Variants in PKHD1 observed in about 807,000 individuals in gnomAD.
The protein encoded by PKHD1 is fibrocystin.
In PKHD1, 291 loss-of-function variants were observed where a neutral mutation model predicts 412.0. That is an observed-to-expected ratio of 0.71 (90% CI 0.64 to 0.78). The LOEUF is 0.78. Among genes scored for constraint, PKHD1 ranks in the 30% least tolerant of loss-of-function variants. The probability of loss-of-function intolerance (pLI) is 0.00; values close to 1 mark genes in which losing one functional copy is unlikely to be tolerated. For synonymous variants in PKHD1, 1,777 were observed against 1,821.5 expected (o/e 0.98, Z 0.62); for missense variants, 4,825 against 4,950.7 (o/e 0.97, Z 0.76).
At chr6:51,929,056 TG>T (rs979679806) in intron 37 of PKHD1, among the ~76,000 whole-genome samples, 8 of 152,254 alleles carry the variant, frequency 5.3e-5, no homozygotes, top group African/African-American at 1.9e-4. Context: ...GGAGGAGTCT[TG>T]GTCTAGAAGA....
At chr6:51,953,261 C>G (rs2474891) in intron 36 of PKHD1, among the ~76,000 whole-genome samples, 2,405 of 152,124 alleles carry the variant, frequency 0.016, 66 homozygotes, top group African/African-American at 0.054. Context: ...CCACAAAACC[C>G]TCTCCTGTTG....
chr6:51,720,278 T>G (rs540444932), intron 60 of PKHD1, among the ~76,000 whole-genome samples: 2 of 152,254 alleles, frequency 1.3e-5, no homozygotes, highest in Admixed American at 1.3e-4. Flanking sequence ...AAATGAGAAG[T>G]AAGTTATATC....
chr6:51,907,613 C>A (rs957106759), intron 40 of PKHD1, among the ~76,000 whole-genome samples: 1 of 152,124 alleles, frequency 6.6e-6, no homozygotes, highest in Non-Finnish European at 1.5e-5. Flanking sequence ...TGTAACAAAC[C>A]TGCACATCCT....
At chr6:51,626,920 G>A (rs1767308688) in intron 66 of PKHD1, 77 bp downstream of exon 66, 4 of 1,493,538 alleles carry the variant, frequency 2.7e-6, no homozygotes, top group African/African-American at 1.4e-5. Flanking sequence ...TTCAGAGACA[G>A]AGCTGAAGGA....
intron 10 of PKHD1, 100 bp downstream of exon 10, chr6:52,070,306 C>CA: frequency 1.2e-6 from 1 of 828,004 alleles, no homozygotes; most frequent in Non-Finnish European, 2.1e-6. Context: ...ATATGTTTAA[C>CA]ATTTTCCGTC....
rs769989356 is a variant in PKHD1 at position 52,024,990 on chromosome 6, T to C, written c.4820A>G (p.Tyr1607Cys). ...GLRGQNTTSV[Y>C]IDQQTCLTVN... ...CGTCAGGCAGGTCTGCTGGTCAATA[T>C]AGACTGACGTGGTGTTCTGTCCTCT... Residue 1607 changes from tyrosine (Y) to cysteine (C), a missense_variant, in exon 32 of 67, where the codon TAT becomes TGT. By Grantham distance (194) the Tyr-to-Cys change is radical (BLOSUM62 -2). Coordinates refer to ENST00000371117, the MANE Select transcript of PKHD1 (RefSeq NM_138694.4). 5 of 1,614,188 alleles carry C rather than the reference T, an allele frequency of 3.1e-6. No homozygotes were observed. The highest frequency in any genetic ancestry group is 2.2e-5 in the South Asian group (2 of 91,084).
chr6:51,700,823 G>A (rs905274760), intron 60 of PKHD1, among the ~76,000 whole-genome samples: 1 of 152,046 alleles, frequency 6.6e-6, no homozygotes, highest in African/African-American at 2.4e-5. Flanking sequence ...TAAGAGTTAG[G>A]CAAGCAACTC....
intron 61 of PKHD1, among the ~76,000 whole-genome samples, chr6:51,655,100 G>A (rs1328354748): frequency 6.6e-6 from 1 of 152,050 alleles, no homozygotes; most frequent in East Asian, 1.9e-4. Flanking sequence ...GTGAAAAGAA[G>A]AAATGATGTA....
chr6:51,708,985 T>C (rs1225490970), intron 60 of PKHD1, among the ~76,000 whole-genome samples: 1 of 152,160 alleles, frequency 6.6e-6, no homozygotes, highest in Non-Finnish European at 1.5e-5. Context: ...CCCAAAACAG[T>C]TGCCTTTAAA....
In PKHD1 at chr6:51,847,887, G is replaced by A. The variant is rs998889621; in HGVS notation, c.7995C>T (p.Leu2665=). 1 of 1,613,228 alleles carries A rather than the reference G, an allele frequency of 6.2e-7. No individual in the cohort carries two copies. Among genetic ancestry groups the A allele is most frequent in the Non-Finnish European group, 8.5e-7 (1 of 1,179,264 alleles). The change falls in exon 50 of 67, where the codon CTC becomes CTT. Residue 2665 remains leucine, a synonymous_variant. Coordinates refer to ENST00000371117, the MANE Select transcript of PKHD1 (RefSeq NM_138694.4). ...HTDLPPYPDI[L]LRCGSRVGLS... ...GACCCACTCGACTCCCACATCTTAGGAGGATGTCAGGGTAAGGCGGCAAAT... is the reference window on the plus strand; with the variant it reads ...GACCCACTCGACTCCCACATCTTAGAAGGATGTCAGGGTAAGGCGGCAAAT...
Position 51,756,587 on chromosome 6 carries a change from T to C in PKHD1, c.8643-1649A>G, listed in dbSNP as rs527888486. Among the ~76,000 whole-genome samples, 13 of 152,296 alleles carry C rather than the reference T, an allele frequency of 8.5e-5. No individual in the cohort carries two copies. In the East Asian group the frequency reaches 2.1e-3, roughly 25 times the overall value. On this transcript the variant is annotated intron_variant, in intron 55 of 66. Coordinates refer to ENST00000371117, the MANE Select transcript of PKHD1 (RefSeq NM_138694.4). ...GAGCACTGAATTACAAGAAATTTTGTTCATGATGTATTGATTTCAAAAAGC... is the reference window on the plus strand; with the variant it reads ...GAGCACTGAATTACAAGAAATTTTGCTCATGATGTATTGATTTCAAAAAGC...
At position 52,056,730 on chromosome 6, in the gene PKHD1, G is replaced by A. The variant is rs781458107; in HGVS notation, c.1661C>T (p.Ser554Phe). The A allele has an allele frequency of 9.3e-6, 15 of 1,613,670 alleles. No individual in the cohort carries two copies. Among genetic ancestry groups the A allele is most frequent in the African/African-American group, 2.7e-5 (2 of 74,920 alleles). Residue 554 changes from serine (S) to phenylalanine (F), a missense_variant, in exon 18 of 67, where the codon TCT becomes TTT. Coordinates refer to ENST00000371117, the MANE Select transcript of PKHD1 (RefSeq NM_138694.4). ...AVKCKLEPLW[S>F]NILLRLGFER... is the part of the protein sequence containing the mutation. Reference sequence around the variant, plus strand: ...AAATCCAAGCCGGAGAAGGATGTTAGACCAAAGGGGTTCCAGTTTGCATTT... The same window carrying A: ...AAATCCAAGCCGGAGAAGGATGTTAAACCAAAGGGGTTCCAGTTTGCATTT...
At position 52,082,095 on chromosome 6, in the gene PKHD1, T is replaced by C. The variant is rs6458806; in HGVS notation, c.281+297A>G. ...ATGAGTATTTGCAATGGCAAAATGG[T>C]ACCATTTATTAAAATCTTAATAGCC... On this transcript the variant is annotated intron_variant, in intron 4 of 66. Coordinates refer to ENST00000371117, the MANE Select transcript of PKHD1 (RefSeq NM_138694.4). 1 allele frequency among the ~76,000 whole-genome samples: 152,051 copies of C among 152,270 alleles called. 75,916 individuals are homozygous for C. Among genetic ancestry groups the C allele is most frequent in the Middle Eastern group, 1 (294 of 294 alleles).
At chr6:51,937,672 A>G (rs776318634) in intron 36 of PKHD1, among the ~76,000 whole-genome samples, 1 of 152,200 alleles carries the variant, frequency 6.6e-6, no homozygotes, top group Non-Finnish European at 1.5e-5. Context: ...CTTTTCTTTC[A>G]GTCACAATTT....
chr6:51,996,203 G>T (rs1260289030), intron 35 of PKHD1, among the ~76,000 whole-genome samples: 1 of 148,506 alleles, frequency 6.7e-6, no homozygotes, highest in African/African-American at 2.5e-5. Context: ...TAGAGATGGG[G>T]TTTCACTGCA....
chr6:51,723,417 G>A (rs973853327), intron 60 of PKHD1, among the ~76,000 whole-genome samples: 1 of 152,154 alleles, frequency 6.6e-6, no homozygotes, highest in East Asian at 1.9e-4. Context: ...GTTTGGAGTT[G>A]GGAATGTAGG....
intron 63 of PKHD1, 149 bp downstream of exon 63, chr6:51,647,882 A>G (rs572308375): frequency 1.5e-6 from 1 of 662,824 alleles, no homozygotes; most frequent in Admixed American, 2.1e-5. Context: ...AGACACTGAC[A>G]CTGTAGATTA....
At chr6:51,712,707 G>C (rs1780801483) in intron 60 of PKHD1, among the ~76,000 whole-genome samples, 1 of 152,126 alleles carries the variant, frequency 6.6e-6, no homozygotes, top group Non-Finnish European at 1.5e-5. Flanking sequence ...ACTGAGGCCT[G>C]ACAGCCCTGT....
intron 53 of PKHD1, among the ~76,000 whole-genome samples, chr6:51,785,843 A>C (rs955122471): frequency 6.6e-6 from 1 of 152,132 alleles, no homozygotes; most frequent in African/African-American, 2.4e-5. Flanking sequence ...TGATCCTCAA[A>C]TATGTACATT....
Sources: allele counts gnomAD v4.1 joint callset (sites outside exome capture counted in the v4.1 genomes callset), GRCh38; gene constraint gnomAD v4.1.1; transcripts MANE v1.5; gene names NCBI Gene and HGNC (gene_info 2026-07-23, HGNC 2026-07-21).